MCPH1: variants seen among roughly 807,000 people sequenced by gnomAD.
MCPH1 encodes microcephalin 1.
MCPH1 carries 104 observed loss-of-function variants against 84.5 expected under a neutral mutation model. That is an observed-to-expected ratio of 1.23 (90% CI 1.05 to 1.45). The LOEUF (loss-of-function observed/expected upper bound fraction) is 1.45, where lower values mean the gene tolerates loss of function less well. Among genes scored for constraint, MCPH1 ranks in the 40% most tolerant of loss-of-function variants. The pLI is 0.00. For synonymous variants in MCPH1, 514 were observed against 366.8 expected (o/e 1.40, Z -4.58); for missense variants, 1,498 against 1,005.7 (o/e 1.49, Z -6.62).
At chr8:6,432,457 T>TAAAAAAGA (rs1801989717) in intron 4 of MCPH1, among the ~76,000 whole-genome samples, 1 of 152,258 alleles carries the variant, frequency 6.6e-6, no homozygotes, top group Admixed American at 6.5e-5. Flanking sequence ...ACTGTAGAGT[T>TAAAAAAGA]AAAGACATTG....
rs35379672 is a variant in MCPH1, at chr8:6,504,317, CAAAAAAAAA to C, written c.2214+4400_2214+4408del. 7.3e-4 allele frequency among the ~76,000 whole-genome samples: 63 copies of C among 85,908 alleles called. 1 individual carries two copies. Among genetic ancestry groups the C allele is most frequent in the African/African-American group, 2.2e-3 (49 of 22,258 alleles). 56.4% of individuals were successfully genotyped at this position (85,908 alleles called of 152,430 possible). A position where few individuals can be genotyped will look rare whatever the true frequency, so the allele number is the denominator to read the frequency against. ...TGGGCGACAGAGTGAGACTCCAGCT[CAAAAAAAAA>C]AAAAAAAAAAAGAATGTATAAACCT... is the stretch of plus-strand genomic sequence containing the variant. On this transcript the variant is annotated intron_variant, in intron 12 of 13. Transcript: ENST00000344683.
chr8:6,469,861 T>A (rs952525109), intron 9 of MCPH1, among the ~76,000 whole-genome samples: 1 of 152,218 alleles, frequency 6.6e-6, no homozygotes, highest in Non-Finnish European at 1.5e-5. Flanking sequence ...TCATCTCTAC[T>A]CCTTTAGAAC....
At chr8:6,490,045 C>T (rs1208365062) in intron 11 of MCPH1, among the ~76,000 whole-genome samples, 1 of 152,104 alleles carries the variant, frequency 6.6e-6, no homozygotes, top group Non-Finnish European at 1.5e-5. Context: ...TGTGAAGTAA[C>T]ACAGGTCTTC....
At chr8:6,628,612 T>C (rs1339525550) in intron 13 of MCPH1, among the ~76,000 whole-genome samples, 1 of 152,098 alleles carries the variant, frequency 6.6e-6, no homozygotes, top group African/African-American at 2.4e-5. Context: ...TGGTGGTTGG[T>C]TTGAGAAGTG....
chr8:6,429,564 A>T (rs1801541380), intron 3 of MCPH1, among the ~76,000 whole-genome samples: 1 of 150,868 alleles, frequency 6.6e-6, no homozygotes, highest in African/African-American at 2.4e-5. Context: ...ATTTCCCCAG[A>T]CAGCTCTTAT....
chr8:6,602,217 A>G (rs116083342), intron 12 of MCPH1, among the ~76,000 whole-genome samples: 5,606 of 152,286 alleles, frequency 0.037, 358 homozygotes, highest in African/African-American at 0.13. Context: ...GAGGGAGGCA[A>G]CAAGGGGCCA....
intron 12 of MCPH1, among the ~76,000 whole-genome samples, chr8:6,577,749 G>C (rs968982049): frequency 1.3e-5 from 2 of 152,224 alleles, no homozygotes; most frequent in African/African-American, 2.4e-5. Context: ...ACAAATGTGA[G>C]ACACCGTGCT....
At chr8:6,419,629 C>G (rs577901220) in intron 3 of MCPH1, among the ~76,000 whole-genome samples, 1 of 151,200 alleles carries the variant, frequency 6.6e-6, no homozygotes, top group African/African-American at 2.4e-5. Context: ...GTCTTGATCT[C>G]CTGACCTTGT....
At chr8:6,479,925 G>A (rs138093781) in intron 10 of MCPH1, among the ~76,000 whole-genome samples, 42 of 151,984 alleles carry the variant, frequency 2.8e-4, no homozygotes, top group Admixed American at 1.7e-3. Context: ...TAATAAAAAG[G>A]GTCTTTTTTC....
intron 12 of MCPH1, among the ~76,000 whole-genome samples, chr8:6,612,627 T>C (rs536726138): frequency 6.6e-6 from 1 of 152,210 alleles, no homozygotes; most frequent in Non-Finnish European, 1.5e-5. Flanking sequence ...TCCGGCTCTC[T>C]CTGCCCAGCT....
intron 1 of MCPH1, 76 bp downstream of exon 1, chr8:6,406,765 G>A (rs189207901): frequency 6.5e-7 from 1 of 1,530,196 alleles, no homozygotes; most frequent in African/African-American, 1.4e-5. Flanking sequence ...CGCACTCGGG[G>A]GATCCCGTGG....
intron 12 of MCPH1, among the ~76,000 whole-genome samples, chr8:6,526,611 G>T (rs1554523374): frequency 1.3e-5 from 2 of 152,016 alleles, no homozygotes; most frequent in Non-Finnish European, 2.9e-5. Context: ...CTTAAACTTG[G>T]TATCCAAAGG....
chr8:6,431,019 A>G (rs992442293), intron 3 of MCPH1, among the ~76,000 whole-genome samples: 1 of 152,218 alleles, frequency 6.6e-6, no homozygotes, highest in African/African-American at 2.4e-5. Flanking sequence ...CATTGGTTGC[A>G]CACCTGGGCC....
chr8:6,608,093 A>G (rs1225773092), intron 12 of MCPH1, among the ~76,000 whole-genome samples: 1 of 152,126 alleles, frequency 6.6e-6, no homozygotes, highest in African/African-American at 2.4e-5. Context: ...CCACAGCAGG[A>G]CTCCAGCCTC....
intron 12 of MCPH1, among the ~76,000 whole-genome samples, chr8:6,535,435 G>A (rs760606138): frequency 6.6e-6 from 1 of 152,152 alleles, no homozygotes; most frequent in Non-Finnish European, 1.5e-5. Context: ...TAGAATGCAA[G>A]ATCCTTTTTA....
chr8:6,615,639 G>C (rs1382154463), intron 12 of MCPH1: 3 of 152,212 alleles, frequency 2.0e-5, no homozygotes, highest in Admixed American at 2.0e-4. Context: ...TTTTAAATGT[G>C]TGTACACAGT....
chr8:6,485,159 T>C (rs1353862546), intron 11 of MCPH1, among the ~76,000 whole-genome samples: 1 of 152,066 alleles, frequency 6.6e-6, no homozygotes, highest in Non-Finnish European at 1.5e-5. Context: ...ACTCCGTCTC[T>C]ACTAAAAATA....
chr8:6,526,667 C>T (rs1403690421), intron 12 of MCPH1, among the ~76,000 whole-genome samples: 2 of 152,010 alleles, frequency 1.3e-5, no homozygotes, highest in African/African-American at 4.8e-5. Context: ...CAGTAAAGAA[C>T]AATTATTGAA....
intron 8 of MCPH1, among the ~76,000 whole-genome samples, chr8:6,450,988 G>A (rs1805021195): frequency 6.6e-6 from 1 of 152,174 alleles, no homozygotes; most frequent in Admixed American, 6.5e-5. Flanking sequence ...GATTACAGTT[G>A]TGAGCCACTG....
Sources: gnomAD v4.1 joint callset for allele counts (sites outside exome capture counted in the v4.1 genomes callset) on GRCh38, gnomAD v4.1.1 for gene constraint, MANE v1.5 for transcripts, NCBI Gene and HGNC (gene_info 2026-07-23, HGNC 2026-07-21) for gene names.